WWOX: variants seen among roughly 807,000 people sequenced by gnomAD.
WWOX encodes WW domain containing oxidoreductase.
A neutral mutation model predicts 46.2 loss-of-function variants in WWOX; 69 were observed. The ratio of observed to expected loss-of-function variants is 1.49; its 90% CI spans 1.23 to 1.82. WWOX has a LOEUF of 1.82. Among genes scored for constraint, WWOX ranks in the 40% most tolerant of loss-of-function variants. The pLI, the probability that WWOX is intolerant of heterozygous loss-of-function variation, is 0.00. For missense variants in WWOX, 919 were observed against 542.6 expected, an observed-to-expected ratio of 1.69 and a Z score of -6.89; for synonymous variants, 359 against 202.6, an observed-to-expected ratio of 1.77 and a Z score of -6.56.
chr16:78,783,089 C>CA (rs1186314554), intron 8 of WWOX, among the ~76,000 whole-genome samples: 2 of 152,152 alleles, frequency 1.3e-5, no homozygotes, highest in African/African-American at 2.4e-5. Context: ...CCTATATGCA[C>CA]AAAAATGAGC....
intron 6 of WWOX, among the ~76,000 whole-genome samples, chr16:78,418,017 T>A (rs1484769778): frequency 6.6e-6 from 1 of 152,186 alleles, no homozygotes; most frequent in Non-Finnish European, 1.5e-5. Flanking sequence ...AGTGATTAAA[T>A]ACGTTTTTCT....
At chr16:78,379,044 G>T (rs1238921822) in intron 5 of WWOX, among the ~76,000 whole-genome samples, 2 of 152,172 alleles carry the variant, frequency 1.3e-5, no homozygotes, top group East Asian at 1.9e-4. Flanking sequence ...TTACTAGCTT[G>T]GCCACTGTCA....
chr16:78,786,307 A>G (rs147854901), intron 8 of WWOX, among the ~76,000 whole-genome samples: 133 of 152,330 alleles, frequency 8.7e-4, no homozygotes, highest in African/African-American at 2.7e-3. Context: ...TCCATGGTGT[A>G]AATAGTGGTA....
At chr16:78,176,307 T>C (rs1222668932) in intron 5 of WWOX, among the ~76,000 whole-genome samples, 1 of 152,214 alleles carries the variant, frequency 6.6e-6, no homozygotes, top group Non-Finnish European at 1.5e-5. Flanking sequence ...TTGTAACCCC[T>C]GTCCCTCTTT....
intron 4 of WWOX, among the ~76,000 whole-genome samples, chr16:78,132,873 A>G (rs1020560947): frequency 1.3e-5 from 2 of 152,212 alleles, no homozygotes; most frequent in Non-Finnish European, 2.9e-5. Context: ...TATTTGCTCC[A>G]TTCCATTTCC....
chr16:79,012,244 T>G (rs1244583482), intron 8 of WWOX, among the ~76,000 whole-genome samples: 1 of 151,816 alleles, frequency 6.6e-6, no homozygotes, highest in Admixed American at 6.6e-5. Flanking sequence ...TCTTAATTTT[T>G]CTTTTTGAGA....
rs989870459 is a variant in WWOX at position 78,344,911 on chromosome 16, C to A, written c.517-41949C>A. On this transcript the variant is annotated intron_variant, in intron 5 of 8. Coordinates refer to ENST00000566780, the MANE Select transcript of WWOX (RefSeq NM_016373.4). The stretch of plus-strand genomic sequence containing the variant: ...AGGGTCAGACTGCTTGTGTTCCATT[C>A]TTGATCCTATCACTTCCTTGCTGCG... Among the ~76,000 whole-genome samples the A allele has an allele frequency of 1.7e-5, 2 of 120,990 alleles. 1 individual carries two copies. Among genetic ancestry groups the A allele is most frequent in the Non-Finnish European group, 3.9e-5 (2 of 50,634 alleles). The allele number at this position is 120,990 out of a possible 152,430, so 79.4% of individuals were successfully genotyped here.
intron 8 of WWOX, among the ~76,000 whole-genome samples, chr16:78,597,897 G>T (rs2859631): frequency 6.6e-6 from 1 of 151,890 alleles, no homozygotes; most frequent in African/African-American, 2.4e-5. Context: ...TATCATATCA[G>T]AGCCTTTTCA....
chr16:78,616,150 A>G (rs116471741), intron 8 of WWOX, among the ~76,000 whole-genome samples: 44 of 151,804 alleles, frequency 2.9e-4, no homozygotes, highest in African/African-American at 8.7e-4. Flanking sequence ...ATTGGTAGCA[A>G]TTGTCTTCGG....
chr16:78,801,789 T>C (rs1039716839), intron 8 of WWOX, among the ~76,000 whole-genome samples: 11 of 152,314 alleles, frequency 7.2e-5, no homozygotes, highest in African/African-American at 2.4e-4. Flanking sequence ...CAAAGGGACA[T>C]TTCATTTTTT....
intron 8 of WWOX, among the ~76,000 whole-genome samples, chr16:78,575,695 A>T (rs1193386879): frequency 6.6e-6 from 1 of 152,180 alleles, no homozygotes; most frequent in Non-Finnish European, 1.5e-5. Context: ...ACCCTCCTAA[A>T]GCCACGATTT....
At chr16:78,616,114 C>T (rs1380340872) in intron 8 of WWOX, among the ~76,000 whole-genome samples, 1 of 152,096 alleles carries the variant, frequency 6.6e-6, no homozygotes. Flanking sequence ...GAATTCCCTA[C>T]CCTGTGTCTT....
chr16:78,866,935 T>C (rs374298999), intron 8 of WWOX, among the ~76,000 whole-genome samples: 5 of 152,364 alleles, frequency 3.3e-5, no homozygotes, highest in Admixed American at 1.3e-4. Context: ...GCTTCAAATA[T>C]GAACCCTTGC....
chr16:78,727,833 A>T (rs1299677325), intron 8 of WWOX, among the ~76,000 whole-genome samples: 1 of 151,972 alleles, frequency 6.6e-6, no homozygotes, highest in Non-Finnish European at 1.5e-5. Flanking sequence ...GCCTTGCTCT[A>T]CATCAGTGCT....
chr16:78,642,881 G>A (rs1178248307), intron 8 of WWOX, among the ~76,000 whole-genome samples: 1 of 152,148 alleles, frequency 6.6e-6, no homozygotes, highest in Non-Finnish European at 1.5e-5. Flanking sequence ...GAATCCTACT[G>A]CCAAATTATG....
intron 8 of WWOX, among the ~76,000 whole-genome samples, chr16:79,210,675 C>G (rs541087388): frequency 6.6e-6 from 1 of 152,064 alleles, no homozygotes; most frequent in African/African-American, 2.4e-5. Context: ...AGAGACGTGC[C>G]GACCATGTCT....
chr16:78,988,019 G>T (rs533555799), intron 8 of WWOX, among the ~76,000 whole-genome samples: 1 of 152,014 alleles, frequency 6.6e-6, no homozygotes, highest in Non-Finnish European at 1.5e-5. Flanking sequence ...ATAAAGGGGG[G>T]GTGGTCAAGG....
chr16:78,248,452 G>A (rs149517603), intron 5 of WWOX, among the ~76,000 whole-genome samples: 1 of 152,282 alleles, frequency 6.6e-6, no homozygotes, highest in East Asian at 1.9e-4. Context: ...ATTTGGACAT[G>A]AAGGCTGGGT....
Position 78,538,612 on chromosome 16 carries a change from T to A in WWOX, c.1056+105860T>A, listed in dbSNP as rs182458838. Among the ~76,000 whole-genome samples the A allele has an allele frequency of 6.6e-5, 10 of 152,342 alleles. No individual in the cohort carries two copies. The East Asian group carries it at 1.9e-3, about 29-fold the overall frequency. ...AGAGAATTGCTCAAGCTGCAGTTTA[T>A]CATTATATGCCTCCAAAGACTTTGT... On this transcript the variant is annotated intron_variant, in intron 8 of 8. Coordinates refer to ENST00000566780, the MANE Select transcript of WWOX (RefSeq NM_016373.4).
Sources: gnomAD v4.1 joint callset for allele counts (sites outside exome capture counted in the v4.1 genomes callset) on GRCh38, gnomAD v4.1.1 for gene constraint, MANE v1.5 for transcripts, NCBI Gene and HGNC (gene_info 2026-07-23, HGNC 2026-07-21) for gene names.